FHIT: variants seen among roughly 807,000 people sequenced by gnomAD.
FHIT encodes the protein bis(5'-adenosyl)-triphosphatase.
In FHIT, 19 loss-of-function variants were observed where a neutral mutation model predicts 17.9. The observed-to-expected ratio is 1.06, with a 90% confidence interval of 0.74 to 1.56. The LOEUF (loss-of-function observed/expected upper bound fraction) is 1.56, where lower values mean the gene tolerates loss of function less well. Ranked by LOEUF, FHIT falls within the 40% of genes most tolerant of loss-of-function variation. The probability of loss-of-function intolerance (pLI) is 0.00; values close to 1 mark genes in which losing one functional copy is unlikely to be tolerated. For synonymous variants in FHIT, 81 were observed against 69.7 expected (o/e 1.16, Z -0.81); for missense variants, 248 against 189.2 (o/e 1.31, Z -1.82).
In FHIT at chr3:59,815,153, G is replaced by T. The variant is rs1326262995; in HGVS notation, c.349-62832C>A. Among the ~76,000 whole-genome samples the T allele has an allele frequency of 3.9e-5, 6 of 152,280 alleles. No individual in the cohort carries two copies. The East Asian group carries it at 1.2e-3, about 29-fold the overall frequency. ...ACATCTGTTACCTGCTTTGCTGGCT[G>T]CCTGGGAATGAGGTCTTGTCTGTCT... On this transcript the variant is annotated intron_variant, in intron 8 of 9. Coordinates refer to ENST00000492590, the MANE Select transcript of FHIT (RefSeq NM_002012.4).
chr3:60,602,030 A>G (rs569786923), intron 4 of FHIT, among the ~76,000 whole-genome samples: 3 of 151,184 alleles, frequency 2.0e-5, no homozygotes, highest in African/African-American at 7.3e-5. Context: ...TCAAGCAAAC[A>G]AAGTAAGCAT....
At chr3:60,217,133 A>G (rs1703732043) in intron 5 of FHIT, among the ~76,000 whole-genome samples, 2 of 152,224 alleles carry the variant, frequency 1.3e-5, no homozygotes, top group South Asian at 4.1e-4. Context: ...AATGATACAG[A>G]ATGTTAAAAT....
At chr3:60,981,214 T>C (rs1027768392) in intron 3 of FHIT, among the ~76,000 whole-genome samples, 3 of 152,126 alleles carry the variant, frequency 2.0e-5, no homozygotes, top group Non-Finnish European at 4.4e-5. Context: ...ACTGCCTGGG[T>C]TGAATAAAAG....
intron 1 of FHIT, among the ~76,000 whole-genome samples, chr3:61,234,641 ATTTTT>A (rs2040186275): frequency 1.3e-5 from 2 of 152,200 alleles, no homozygotes; most frequent in South Asian, 2.1e-4. Flanking sequence ...ATGTTATTTT[ATTTTT>A]TGAGTATTTC....
At chr3:59,752,771 G>T (rs1267121316) in intron 8 of FHIT, among the ~76,000 whole-genome samples, 1 of 152,082 alleles carries the variant, frequency 6.6e-6, no homozygotes, top group East Asian at 1.9e-4. Flanking sequence ...CACAGAAGAC[G>T]TGCCTGCTTT....
intron 8 of FHIT, among the ~76,000 whole-genome samples, chr3:59,800,857 T>G (rs1447164753): frequency 6.6e-6 from 1 of 150,844 alleles, no homozygotes; most frequent in Non-Finnish European, 1.5e-5. Context: ...AAGGGGAGGG[T>G]GAGAGAGGGA....
chr3:60,339,871 C>T (rs1710430994), intron 5 of FHIT, among the ~76,000 whole-genome samples: 2 of 152,120 alleles, frequency 1.3e-5, no homozygotes, highest in South Asian at 4.1e-4. Flanking sequence ...TCTCCTGAAC[C>T]ATTGCAGACT....
chr3:61,102,404 C>T (rs534251896), intron 2 of FHIT, among the ~76,000 whole-genome samples: 7 of 152,184 alleles, frequency 4.6e-5, no homozygotes, highest in South Asian at 4.2e-4. Flanking sequence ...AGGGTGAAGC[C>T]GACTTGATCA....
intron 4 of FHIT, among the ~76,000 whole-genome samples, chr3:60,744,271 A>AAAAAAAAAAAAAAAAAAAAC (rs2042309303): frequency 6.7e-4 from 35 of 52,126 alleles, no homozygotes; most frequent in South Asian, 1.3e-3. Context: ...AACAAAACAA[A>AAAAAAAAAAAAAAAAAAAAC]AAAAAAAAAA....
At chr3:60,316,168 T>G (rs1709156636) in intron 5 of FHIT, among the ~76,000 whole-genome samples, 1 of 152,170 alleles carries the variant, frequency 6.6e-6, no homozygotes, top group South Asian at 2.1e-4. Flanking sequence ...TTGTATAGCT[T>G]AAGGATACAT....
In FHIT at chr3:60,571,335, C is replaced by CAATAAAAAA. The variant is rs750168873; in HGVS notation, c.-17-34357_-17-34356insTTTTTTATT. Among the ~76,000 whole-genome samples, 13 of 54,670 alleles carry CAATAAAAAA rather than the reference C, an allele frequency of 2.4e-4. 2 individuals carry two copies. Among genetic ancestry groups the CAATAAAAAA allele is most frequent in the East Asian group, 9.9e-4 (2 of 2,020 alleles). 35.9% of individuals were successfully genotyped at this position (54,670 alleles called of 152,430 possible). A position where few individuals can be genotyped will look rare whatever the true frequency, so the allele number is the denominator to read the frequency against. ...TGGGCAACAGGGCAAGACTCCATCGCAAAAAAAAAAAAAAAAAAAAAAAAA... is the reference window on the plus strand; with the variant it reads ...TGGGCAACAGGGCAAGACTCCATCGCAATAAAAAAAAAAAAAAAAAAAAAAAAAAAAAAA... On this transcript the variant is annotated intron_variant, in intron 4 of 9. Transcript: ENST00000492590.
At chr3:59,985,204 T>G (rs538390225) in intron 7 of FHIT, among the ~76,000 whole-genome samples, 1 of 152,132 alleles carries the variant, frequency 6.6e-6, no homozygotes, top group South Asian at 2.1e-4. Flanking sequence ...ATCTGGGGAT[T>G]GAACTGGCAT....
At chr3:60,588,630 C>T (rs562196542) in intron 4 of FHIT, among the ~76,000 whole-genome samples, 2 of 152,090 alleles carry the variant, frequency 1.3e-5, no homozygotes, top group South Asian at 2.1e-4. Context: ...GCACACACTC[C>T]TCTCGTGACT....
intron 8 of FHIT, among the ~76,000 whole-genome samples, chr3:59,775,461 A>G (rs754203197): frequency 6.6e-6 from 1 of 152,144 alleles, no homozygotes. Context: ...TGGTCGCACC[A>G]CTCAAACACA....
intron 7 of FHIT, among the ~76,000 whole-genome samples, chr3:59,942,620 T>C (rs1463792260): frequency 6.6e-6 from 1 of 152,142 alleles, no homozygotes; most frequent in Non-Finnish European, 1.5e-5. Flanking sequence ...CCCTCTCCCA[T>C]ACTTAGCTGT....
At chr3:60,820,405 C>T (rs945908801) in intron 4 of FHIT, among the ~76,000 whole-genome samples, 4 of 152,186 alleles carry the variant, frequency 2.6e-5, no homozygotes, top group Admixed American at 2.6e-4. Context: ...AGGCACATAA[C>T]ACCAGTGCTC....
intron 3 of FHIT, among the ~76,000 whole-genome samples, chr3:61,039,017 T>A (rs1417872706): frequency 1.3e-5 from 2 of 152,154 alleles, no homozygotes; most frequent in African/African-American, 4.8e-5. Context: ...CACTATTCAC[T>A]CTACTTGGTG....
At chr3:60,366,193 T>G (rs1035047589) in intron 5 of FHIT, among the ~76,000 whole-genome samples, 1 of 152,224 alleles carries the variant, frequency 6.6e-6, no homozygotes, top group Non-Finnish European at 1.5e-5. Context: ...TCCGCCTTTT[T>G]GAGATGGAGT....
intron 7 of FHIT, among the ~76,000 whole-genome samples, chr3:59,923,881 G>C (rs1034110369): frequency 3.3e-5 from 5 of 152,186 alleles, no homozygotes; most frequent in Non-Finnish European, 7.3e-5. Flanking sequence ...GAATGAAGCA[G>C]AGAGGAGCTT....
Sources: gnomAD v4.1 joint callset for allele counts (sites outside exome capture counted in the v4.1 genomes callset) on GRCh38, gnomAD v4.1.1 for gene constraint, MANE v1.5 for transcripts, NCBI Gene and HGNC (gene_info 2026-07-23, HGNC 2026-07-21) for gene names.